The following PARP8 variants were observed in gnomAD, a reference collection of about 807,000 sequenced individuals.
PARP8 encodes poly(ADP-ribose) polymerase family member 8.
A neutral mutation model predicts 124.1 loss-of-function variants in PARP8; 51 were observed. The observed-to-expected ratio is 0.41, with a 90% CI of 0.33 to 0.52. The LOEUF (loss-of-function observed/expected upper bound fraction) is 0.52, where lower values mean the gene tolerates loss of function less well. Among genes scored for constraint, PARP8 ranks in the 20% least tolerant of loss-of-function variants. The pLI is 0.21. For missense variants in PARP8, 860 were observed against 1,018.9 expected, an observed-to-expected ratio of 0.84 and a Z score of 2.12; for synonymous variants, 391 against 361.5, an observed-to-expected ratio of 1.08 and a Z score of -0.93.
chr5:50,788,182 ATATAATATATTAATG>A (rs1187396799), intron 9 of PARP8, among the ~76,000 whole-genome samples: 2 of 144,948 alleles, frequency 1.4e-5, no homozygotes, highest in Non-Finnish European at 3.0e-5. Flanking sequence ...ATACATTAAT[ATATAATATATTAATG>A]TATAATATAT....
At chr5:50,706,903 A>C (rs1754207833) in intron 2 of PARP8, among the ~76,000 whole-genome samples, 1 of 152,098 alleles carries the variant, frequency 6.6e-6, no homozygotes, top group Non-Finnish European at 1.5e-5. Flanking sequence ...CTAATAGTGC[A>C]TTATGATGCT....
intron 7 of PARP8, among the ~76,000 whole-genome samples, chr5:50,772,899 A>G (rs1322760485): frequency 6.6e-6 from 1 of 151,964 alleles, no homozygotes; most frequent in Non-Finnish European, 1.5e-5. Context: ...GGGTTTCGCC[A>G]TGTTGGCTGG....
intron 9 of PARP8, among the ~76,000 whole-genome samples, chr5:50,781,184 T>G (rs1282399948): frequency 6.6e-6 from 1 of 152,220 alleles, no homozygotes; most frequent in Non-Finnish European, 1.5e-5. Context: ...AGTGAATTTT[T>G]TTCGTGATTT....
At chr5:50,814,392 G>A (rs1388050389) in intron 14 of PARP8, among the ~76,000 whole-genome samples, 1 of 152,102 alleles carries the variant, frequency 6.6e-6, no homozygotes, top group African/African-American at 2.4e-5. Flanking sequence ...TGCAGAGTGT[G>A]TATAGCTTGA....
At chr5:50,683,535 A>G (rs1321876042) in intron 2 of PARP8, among the ~76,000 whole-genome samples, 2 of 152,180 alleles carry the variant, frequency 1.3e-5, no homozygotes, top group Non-Finnish European at 2.9e-5. Context: ...TCTCATTATA[A>G]TATGAGTAAT....
intron 2 of PARP8, among the ~76,000 whole-genome samples, chr5:50,740,205 T>C (rs1160421106): frequency 1.3e-5 from 2 of 152,282 alleles, no homozygotes; most frequent in African/African-American, 4.8e-5. Context: ...TAATAAGTCA[T>C]ACAATCAGCC....
chr5:50,820,102 C>T (rs1324648505), intron 15 of PARP8, among the ~76,000 whole-genome samples: 5 of 152,028 alleles, frequency 3.3e-5, no homozygotes, highest in Admixed American at 2.0e-4. Flanking sequence ...GTGTCTTGAG[C>T]GTTGCTGATT....
At chr5:50,675,907 C>G (rs1419348737) in intron 2 of PARP8, among the ~76,000 whole-genome samples, 1 of 152,160 alleles carries the variant, frequency 6.6e-6, no homozygotes, top group Non-Finnish European at 1.5e-5. Context: ...TCCTAGCCAA[C>G]TGCCTAGAAT....
At chr5:50,780,180 T>C (rs987382410) in intron 9 of PARP8, among the ~76,000 whole-genome samples, 11 of 152,192 alleles carry the variant, frequency 7.2e-5, no homozygotes, top group Non-Finnish European at 1.5e-4. Flanking sequence ...CTTCAAGTCA[T>C]TAAATAAGCC....
intron 2 of PARP8, among the ~76,000 whole-genome samples, chr5:50,709,991 CAT>C (rs1229079902): frequency 7.6e-6 from 1 of 131,112 alleles, no homozygotes; most frequent in Non-Finnish European, 1.7e-5. Flanking sequence ...CATATATATA[CAT>C]ATATACACAC....
intron 2 of PARP8, among the ~76,000 whole-genome samples, chr5:50,704,235 G>A (rs1580016700): frequency 6.6e-6 from 1 of 151,972 alleles, no homozygotes; most frequent in East Asian, 1.9e-4. Context: ...ACTTCTTGTG[G>A]CTAGCTCTTG....
At chr5:50,824,478 G>A (rs1180495624) in intron 17 of PARP8, among the ~76,000 whole-genome samples, 4 of 152,128 alleles carry the variant, frequency 2.6e-5, no homozygotes, top group Non-Finnish European at 5.9e-5. Flanking sequence ...TGGGACTAGA[G>A]GAGTTATGTA....
intron 7 of PARP8, among the ~76,000 whole-genome samples, chr5:50,777,387 A>G (rs1740152664): frequency 6.6e-6 from 1 of 152,040 alleles, no homozygotes; most frequent in Non-Finnish European, 1.5e-5. Flanking sequence ...TTTTATAAGA[A>G]TATCAAAAAT....
chr5:50,753,136 T>C (rs561245947), intron 3 of PARP8, among the ~76,000 whole-genome samples: 41 of 152,204 alleles, frequency 2.7e-4, no homozygotes, highest in African/African-American at 9.4e-4. Context: ...AGTTTTTTTT[T>C]TAATGTCAGA....
At position 50,666,827 on chromosome 5, in the gene PARP8, A is replaced by C; in HGVS notation, c.-269A>C. On this transcript the variant is annotated 5_prime_UTR_variant, in exon 1 of 26. Transcript: ENST00000281631. Reference sequence around the variant, plus strand: ...TGGTGTCATCACCATCCATTGTCAGAAGGGGAGGAAATTGGAATCCAGCAG... The same window carrying C: ...TGGTGTCATCACCATCCATTGTCAGCAGGGGAGGAAATTGGAATCCAGCAG... 1 of 1,292,116 alleles carries C rather than the reference A, an allele frequency of 7.7e-7. No homozygotes were observed. Among genetic ancestry groups the C allele is most frequent in the South Asian group, 1.6e-5 (1 of 62,806 alleles). The allele number at this position is 1,292,116 out of a possible 1,614,324, so 80.0% of individuals were successfully genotyped here.
intron 9 of PARP8, among the ~76,000 whole-genome samples, chr5:50,787,694 A>T (rs552837989): frequency 7.9e-5 from 12 of 152,176 alleles, no homozygotes; most frequent in African/African-American, 2.9e-4. Context: ...ATACTCTTTA[A>T]ACCAGTGAAT....
rs146427902 is a variant in PARP8, at chr5:50,742,743, C to T, written c.147-7408C>T. Among the ~76,000 whole-genome samples the T allele has an allele frequency of 1.9e-3, 295 of 152,258 alleles. 2 individuals are homozygous for T. The highest frequency in any genetic ancestry group is 6.7e-3 in the African/African-American group (279 of 41,544). On this transcript the variant is annotated intron_variant, in intron 2 of 25. Coordinates refer to ENST00000281631, the MANE Select transcript of PARP8 (RefSeq NM_024615.4). ...AACCACATGTCTGTAGGGCACCAGGCCCCTTAGTTTCATTGTCCTTTCCAG... is the reference window on the plus strand; with the variant it reads ...AACCACATGTCTGTAGGGCACCAGGTCCCTTAGTTTCATTGTCCTTTCCAG...
At chr5:50,739,509 A>G (rs764509143) in intron 2 of PARP8, among the ~76,000 whole-genome samples, 2 of 151,828 alleles carry the variant, frequency 1.3e-5, no homozygotes, top group Non-Finnish European at 2.9e-5. Flanking sequence ...ACACTAGGGG[A>G]GTAGATATTA....
chr5:50,828,397 A>C lies in PARP8; in HGVS notation c.2163+13A>C. The stretch of plus-strand genomic sequence containing the variant: ...TACACGATTGCAGGTAGATTTTCTG[A>C]ATGCTTTCACAAGACTTCATTCTTC... On this transcript the variant is annotated intron_variant, in intron 21 of 25. Coordinates refer to ENST00000281631, the MANE Select transcript of PARP8 (RefSeq NM_024615.4). 1.9e-6 allele frequency: 3 copies of C among 1,605,132 alleles called. No individual in the cohort carries two copies. The highest frequency in any genetic ancestry group is 1.7e-6 in the Non-Finnish European group (2 of 1,172,452).
Sources: allele counts gnomAD v4.1 joint callset (sites outside exome capture counted in the v4.1 genomes callset), GRCh38; gene constraint gnomAD v4.1.1; transcripts MANE v1.5; gene names NCBI Gene and HGNC (gene_info 2026-07-23, HGNC 2026-07-21).